The following CREBBP variants were observed in gnomAD, a reference collection of about 807,000 sequenced individuals.
CREBBP encodes the protein CREB binding lysine acetyltransferase.
In CREBBP, 19 loss-of-function variants were observed where a neutral mutation model predicts 265.0. The ratio of observed to expected loss-of-function variants is 0.07; its 90% CI spans 0.05 to 0.11. The LOEUF is 0.11. CREBBP is among the 10% of genes least tolerant of loss of function. The probability of loss-of-function intolerance (pLI) is 1.00; values close to 1 mark genes in which losing one functional copy is unlikely to be tolerated. For synonymous variants in CREBBP, 1,457 were observed against 1,223.7 expected, an observed-to-expected ratio of 1.19 and a Z score of -3.98; for missense variants, 2,525 against 3,219.0, an observed-to-expected ratio of 0.78 and a Z score of 5.22.
intron 8 of CREBBP, among the ~76,000 whole-genome samples, chr16:3,779,475 G>A (rs956679796): frequency 6.6e-6 from 1 of 152,176 alleles, no homozygotes; most frequent in Non-Finnish European, 1.5e-5. Context: ...CACCTGGCCT[G>A]AAGCTACTTC....
intron 3 of CREBBP, among the ~76,000 whole-genome samples, chr16:3,797,807 A>T (rs2053637548): frequency 6.6e-6 from 1 of 152,188 alleles, no homozygotes; most frequent in East Asian, 1.9e-4. Context: ...AACTAAAGTG[A>T]ATAAAAATGG....
chr16:3,766,218 T>C (rs1269029483), intron 16 of CREBBP, among the ~76,000 whole-genome samples: 1 of 152,164 alleles, frequency 6.6e-6, no homozygotes, highest in African/African-American at 2.4e-5. Flanking sequence ...GTGCTATAGA[T>C]TCTGGTTCAA....
intron 2 of CREBBP, among the ~76,000 whole-genome samples, chr16:3,835,739 C>A (rs1655963259): frequency 6.6e-6 from 1 of 152,032 alleles, no homozygotes; most frequent in Admixed American, 6.6e-5. Flanking sequence ...GGCACCACAC[C>A]TGGCTGATTT....
chr16:3,798,510 G>A (rs908367190), intron 3 of CREBBP, among the ~76,000 whole-genome samples: 2 of 152,176 alleles, frequency 1.3e-5, no homozygotes, highest in African/African-American at 4.8e-5. Context: ...TAAAAAATAA[G>A]TGAAAGCTCT....
At chr16:3,834,361 T>A (rs2054401058) in intron 2 of CREBBP, among the ~76,000 whole-genome samples, 1 of 152,184 alleles carries the variant, frequency 6.6e-6, no homozygotes, top group South Asian at 2.1e-4. Context: ...CCATGAAGTC[T>A]TTCAGTAGGT....
At chr16:3,842,005 T>A (rs556962080) in intron 2 of CREBBP, among the ~76,000 whole-genome samples, 20 of 152,246 alleles carry the variant, frequency 1.3e-4, no homozygotes, top group African/African-American at 4.8e-4. Flanking sequence ...TGGGAGCTGA[T>A]CTAATTTAAA....
At chr16:3,819,960 T>C (rs1185622746) in intron 2 of CREBBP, among the ~76,000 whole-genome samples, 2 of 152,202 alleles carry the variant, frequency 1.3e-5, no homozygotes. Context: ...CCTGACATAT[T>C]TTTCAAGCTG....
intron 2 of CREBBP, among the ~76,000 whole-genome samples, chr16:3,817,306 C>G (rs1320039272): frequency 6.6e-6 from 1 of 151,836 alleles, no homozygotes; most frequent in Non-Finnish European, 1.5e-5. Context: ...TCCATGGTCA[C>G]TTCTGGCTGC....
At position 3,728,156 on chromosome 16, in the gene CREBBP, C is replaced by T. The variant is rs1216449396; in HGVS notation, c.6891G>A (p.Gln2297=). Residue 2297 remains glutamine, a synonymous_variant, in exon 31 of 31, where the codon CAG becomes CAA. Transcript: ENST00000262367. The surrounding 1 kb of genome is among the most constrained non-coding windows in gnomAD (Gnocchi z 8.7). Reference sequence around the variant, plus strand: ...CAATCTGCTGCTTCATCTGCTGTTGCTGCAGAATCCGCTGCTGCAGGGCTT... The same window carrying T: ...CAATCTGCTGCTTCATCTGCTGTTGTTGCAGAATCCGCTGCTGCAGGGCTT... ...IQQALQQRIL[Q]QQQMKQQIGS... is the part of the protein sequence containing the mutation. 1 of 1,614,152 alleles carries T rather than the reference C, an allele frequency of 6.2e-7. No homozygotes were observed. Among genetic ancestry groups the T allele is most frequent in the Admixed American group, 1.7e-5 (1 of 60,016 alleles).
At chr16:3,761,928 C>A (rs573158094) in intron 16 of CREBBP, among the ~76,000 whole-genome samples, 9 of 152,286 alleles carry the variant, frequency 5.9e-5, no homozygotes, top group Admixed American at 4.6e-4. Context: ...GACCAAGAGG[C>A]CAAATGTGGC....
intron 2 of CREBBP, among the ~76,000 whole-genome samples, chr16:3,838,727 A>T (rs1396081871): frequency 6.6e-6 from 1 of 152,170 alleles, no homozygotes; most frequent in Non-Finnish European, 1.5e-5. Flanking sequence ...CAACTTTTTA[A>T]AAGTTGATAT....
chr16:3,796,825 T>C (rs2053617545), intron 3 of CREBBP, among the ~76,000 whole-genome samples: 1 of 152,262 alleles, frequency 6.6e-6, no homozygotes, highest in Non-Finnish European at 1.5e-5. Context: ...CACAGTTTAA[T>C]GAGCTCTACA....
At chr16:3,868,759 C>T (rs2055231472) in intron 1 of CREBBP, among the ~76,000 whole-genome samples, 2 of 152,178 alleles carry the variant, frequency 1.3e-5, no homozygotes, top group Admixed American at 6.5e-5. Flanking sequence ...ACGGTGGGCA[C>T]CACGGGACTG....
chr16:3,785,512 G>A (rs1423795060), intron 5 of CREBBP, among the ~76,000 whole-genome samples: 5 of 152,230 alleles, frequency 3.3e-5, no homozygotes, highest in African/African-American at 7.2e-5. Flanking sequence ...TGTCAAATTC[G>A]GTTTTGCTCT....
At chr16:3,738,841 G>A (rs1191944987) in intron 25 of CREBBP, among the ~76,000 whole-genome samples, 169 bp from the exon 26 acceptor site, 3 of 152,158 alleles carry the variant, frequency 2.0e-5, no homozygotes, top group Non-Finnish European at 4.4e-5. Context: ...AACCTCATGG[G>A]CTCAAGCAAT....
At chr16:3,867,088 G>A (rs569946959) in intron 1 of CREBBP, among the ~76,000 whole-genome samples, 14 of 152,146 alleles carry the variant, frequency 9.2e-5, no homozygotes, top group Non-Finnish European at 1.8e-4. Context: ...GCTTGGTGTT[G>A]AAGTAGGTTG....
chr16:3,856,901 G>A (rs906669780), intron 1 of CREBBP, among the ~76,000 whole-genome samples: 23 of 152,176 alleles, frequency 1.5e-4, no homozygotes, highest in African/African-American at 5.6e-4. Context: ...CCACAGAAGA[G>A]CAGATAAACT....
At chr16:3,793,196 A>C (rs2053540571) in intron 4 of CREBBP, among the ~76,000 whole-genome samples, 190 bp downstream of exon 4, 1 of 152,244 alleles carries the variant, frequency 6.6e-6, no homozygotes, top group Non-Finnish European at 1.5e-5. Context: ...CTTTCTCTTC[A>C]GCAGATAAGA....
chr16:3,771,747 G>C (rs1025941221), intron 13 of CREBBP, among the ~76,000 whole-genome samples: 1 of 151,318 alleles, frequency 6.6e-6, no homozygotes, highest in Non-Finnish European at 1.5e-5. Context: ...TGGGGGCACA[G>C]AGTGGGATGG....
Sources: allele counts gnomAD v4.1 joint callset (sites outside exome capture counted in the v4.1 genomes callset), GRCh38; gene constraint gnomAD v4.1.1; non-coding constraint Gnocchi (gnomAD v3.1); transcripts MANE v1.5; gene names NCBI Gene and HGNC (gene_info 2026-07-23, HGNC 2026-07-21).